TCERG1L: variants seen among roughly 807,000 people sequenced by gnomAD.
The protein encoded by TCERG1L is transcription elongation regulator 1-like protein.
TCERG1L carries 37 observed loss-of-function variants against 56.3 expected under a neutral mutation model. That is an observed-to-expected ratio of 0.66 (90% CI 0.51 to 0.87). The LOEUF (loss-of-function observed/expected upper bound fraction) is 0.87. TCERG1L is among the 40% of genes least tolerant of loss of function. The probability of loss-of-function intolerance (pLI) is 0.00; values close to 1 mark genes in which losing one functional copy is unlikely to be tolerated. For missense variants in TCERG1L, 799 were observed against 774.2 expected (o/e 1.03, Z -0.38); for synonymous variants, 324 against 326.3 (o/e 0.99, Z 0.08).
chr10:131,232,313 G>A (rs1189654012), intron 4 of TCERG1L, among the ~76,000 whole-genome samples: 1 of 152,232 alleles, frequency 6.6e-6, no homozygotes, highest in Non-Finnish European at 1.5e-5. Context: ...GAGCTGGGAG[G>A]AGCCCAGCAG....
intron 5 of TCERG1L, 76 bp downstream of exon 5, chr10:131,166,721 G>C (rs961740180): frequency 4.1e-5 from 58 of 1,408,826 alleles, no homozygotes; most frequent in Non-Finnish European, 5.7e-5. Flanking sequence ...GCAAACAAGC[G>C]TGAGGGTGTC....
chr10:131,131,564 C>T (rs951298032), intron 8 of TCERG1L, among the ~76,000 whole-genome samples: 2 of 152,168 alleles, frequency 1.3e-5, no homozygotes, highest in Non-Finnish European at 2.9e-5. Flanking sequence ...AATTTGAATG[C>T]TTGTCATTGT....
chr10:131,210,967 C>T (rs564793378), intron 4 of TCERG1L, among the ~76,000 whole-genome samples: 3 of 152,298 alleles, frequency 2.0e-5, no homozygotes, highest in Admixed American at 6.5e-5. Flanking sequence ...TTCCACGAGG[C>T]GCTACCATGC....
intron 4 of TCERG1L, among the ~76,000 whole-genome samples, chr10:131,174,460 G>T (rs545844691): frequency 6.6e-6 from 1 of 152,224 alleles, no homozygotes; most frequent in African/African-American, 2.4e-5. Context: ...GTCAGCCAGG[G>T]CTCCAGAGGT....
chr10:131,288,382 C>A (rs1181101122), intron 3 of TCERG1L, among the ~76,000 whole-genome samples: 1 of 152,142 alleles, frequency 6.6e-6, no homozygotes, highest in African/African-American at 2.4e-5. Flanking sequence ...AACTAACCAC[C>A]AGCATTTTAC....
chr10:131,175,796 T>C (rs1846141701), intron 4 of TCERG1L, among the ~76,000 whole-genome samples: 2 of 152,052 alleles, frequency 1.3e-5, no homozygotes, highest in Non-Finnish European at 2.9e-5. Flanking sequence ...AAAGAAGAGA[T>C]GGCTAGATGG....
chr10:131,172,601 G>A (rs977385727), intron 4 of TCERG1L, among the ~76,000 whole-genome samples: 2 of 152,162 alleles, frequency 1.3e-5, no homozygotes, highest in African/African-American at 4.8e-5. Context: ...CTCCACGCGC[G>A]CTGGCTCCGC....
intron 9 of TCERG1L, among the ~76,000 whole-genome samples, chr10:131,108,176 T>C (rs909780332): frequency 2.0e-5 from 3 of 152,206 alleles, no homozygotes; most frequent in African/African-American, 7.2e-5. Context: ...CCAGAATGAC[T>C]GGAATGCACT....
At chr10:131,190,151 T>C (rs894330803) in intron 4 of TCERG1L, among the ~76,000 whole-genome samples, 6 of 152,140 alleles carry the variant, frequency 3.9e-5, no homozygotes, top group African/African-American at 9.7e-5. Context: ...AACATCTCTA[T>C]ATGCGCCAAC....
At chr10:131,294,242 A>T (rs1212293898) in intron 3 of TCERG1L, among the ~76,000 whole-genome samples, 1 of 152,030 alleles carries the variant, frequency 6.6e-6, no homozygotes, top group Non-Finnish European at 1.5e-5. Flanking sequence ...CCTGCCCCCG[A>T]GCTAAATCAT....
intron 6 of TCERG1L, 71 bp from the exon 7 acceptor site, chr10:131,146,731 C>G (rs943385058): frequency 6.6e-7 from 1 of 1,510,704 alleles, no homozygotes; most frequent in African/African-American, 1.4e-5. Context: ...AGCATGAACT[C>G]TCACTGAAAA....
rs911055191 is a variant in TCERG1L, at chr10:131,267,263, G to A, written c.671-6819C>T. Among the ~76,000 whole-genome samples the A allele has an allele frequency of 3.9e-5, 6 of 152,174 alleles. No homozygotes were observed. Among genetic ancestry groups the A allele is most frequent in the Admixed American group, 3.9e-4 (6 of 15,284 alleles). ...ACTGCACATGAGCACTGCCCTGAGT[G>A]TGCACACACCTGGCTGGACTGCAAC... On this transcript the variant is annotated intron_variant, in intron 3 of 11. Coordinates refer to ENST00000368642, the MANE Select transcript of TCERG1L (RefSeq NM_174937.4). This position sits in a 1 kb window ranked among gnomAD's most constrained non-coding sequence, Gnocchi z 4.9.
At chr10:131,154,398 T>C (rs1845897522) in intron 6 of TCERG1L, among the ~76,000 whole-genome samples, 1 of 152,200 alleles carries the variant, frequency 6.6e-6, no homozygotes. Context: ...AGGCTCTCCC[T>C]GGATCCCTGT....
chr10:131,123,079 T>C (rs1845529694), intron 8 of TCERG1L, among the ~76,000 whole-genome samples: 1 of 152,196 alleles, frequency 6.6e-6, no homozygotes, highest in Admixed American at 6.5e-5. Context: ...GTCATGAGAC[T>C]GAACAGCACT....
intron 4 of TCERG1L, among the ~76,000 whole-genome samples, chr10:131,241,082 C>A (rs963152015): frequency 2.6e-5 from 4 of 152,134 alleles, no homozygotes; most frequent in Admixed American, 1.3e-4. Context: ...GAAGAGCTCA[C>A]CCCGGAGATG....
intron 4 of TCERG1L, among the ~76,000 whole-genome samples, chr10:131,252,983 C>G (rs1846127701): frequency 6.6e-6 from 1 of 152,210 alleles, no homozygotes. Flanking sequence ...CACAGGGACC[C>G]CCGGGGATGG....
chr10:131,121,365 T>C (rs1329659845), intron 8 of TCERG1L, among the ~76,000 whole-genome samples: 1 of 152,194 alleles, frequency 6.6e-6, no homozygotes, highest in African/African-American at 2.4e-5. Context: ...TGGACCTTAC[T>C]CATGGTAAGA....
intron 4 of TCERG1L, among the ~76,000 whole-genome samples, chr10:131,187,213 T>C (rs1242941940): frequency 6.6e-6 from 1 of 152,212 alleles, no homozygotes; most frequent in Non-Finnish European, 1.5e-5. Flanking sequence ...GGCACGTCGG[T>C]CAAATCACCA....
At chr10:131,176,785 C>CGG (rs1846158420) in intron 4 of TCERG1L, among the ~76,000 whole-genome samples, 1 of 1,836 alleles carries the variant, frequency 5.4e-4, no homozygotes, top group Non-Finnish European at 1.7e-3. Flanking sequence ...CATGGACACA[C>CGG]AGAGATACAC....
Sources: gnomAD v4.1 joint callset for allele counts (sites outside exome capture counted in the v4.1 genomes callset) on GRCh38, gnomAD v4.1.1 for gene constraint, Gnocchi (gnomAD v3.1) non-coding constraint, MANE v1.5 for transcripts, NCBI Gene and HGNC (gene_info 2026-07-23, HGNC 2026-07-21) for gene names.